RERE: variants seen among roughly 807,000 people sequenced by gnomAD.
RERE encodes arginine-glutamic acid dipeptide repeats.
A neutral mutation model predicts 146.1 loss-of-function variants in RERE; 40 were observed. That is an observed-to-expected ratio of 0.27 (90% CI 0.21 to 0.36). The LOEUF is 0.36. RERE is among the 10% of genes least tolerant of loss of function. The pLI is 1.00. For synonymous variants in RERE, 1,003 were observed against 866.0 expected (o/e 1.16, Z -2.78); for missense variants, 1,933 against 2,138.7 (o/e 0.90, Z 1.90).
At chr1:8,632,041 A>C (rs1015724132) in intron 2 of RERE, among the ~76,000 whole-genome samples, 25 of 152,146 alleles carry the variant, frequency 1.6e-4, no homozygotes, top group African/African-American at 6.0e-4. Flanking sequence ...CCCCCAAAAA[A>C]ACTATGCTCT....
At chr1:8,683,117 T>C (rs905659403) in intron 1 of RERE, among the ~76,000 whole-genome samples, 2 of 143,910 alleles carry the variant, frequency 1.4e-5, no homozygotes, top group South Asian at 4.3e-4. Flanking sequence ...ATATAACAAA[T>C]GTTACAAATT....
At chr1:8,494,791 G>C (rs956450178) in intron 10 of RERE, among the ~76,000 whole-genome samples, 3 of 151,630 alleles carry the variant, frequency 2.0e-5, no homozygotes, top group Admixed American at 2.0e-4. Flanking sequence ...CACAGTACTT[G>C]GCTTTGTGAG....
At position 8,492,867 on chromosome 1, in the gene RERE, G is replaced by A. The variant is rs563289769; in HGVS notation, c.1104+2196C>T. 2.6e-5 allele frequency among the ~76,000 whole-genome samples: 4 copies of A among 152,258 alleles called. No individual in the cohort carries two copies. The South Asian group carries it at 8.3e-4, about 32-fold the overall frequency. On this transcript the variant is annotated intron_variant, in intron 10 of 22. Transcript: ENST00000400908. ...TGAGGCTGCAGTGAGCCAAGACTGTGTCACTGTACTCCAGACTGGGCAACA... is the reference window on the plus strand; with the variant it reads ...TGAGGCTGCAGTGAGCCAAGACTGTATCACTGTACTCCAGACTGGGCAACA...
chr1:8,419,977 A>T (rs976143793), intron 12 of RERE, among the ~76,000 whole-genome samples: 1 of 152,246 alleles, frequency 6.6e-6, no homozygotes, highest in African/African-American at 2.4e-5. Flanking sequence ...TCCAATGAAC[A>T]GCTCAAGGCA....
chr1:8,487,453 C>T, intron 10 of RERE, among the ~76,000 whole-genome samples: 1 of 152,210 alleles, frequency 6.6e-6, no homozygotes, highest in East Asian at 1.9e-4. Context: ...ATGGTGTACC[C>T]TGTAGTCTTA....
In RERE at chr1:8,364,300, C is replaced by T. The variant is rs764613675; in HGVS notation, c.1541-45G>A. ...GGGGCCAACCTTGGAAACCATCCCT[C>T]TCCCTGGGGATGTCTGGGCAGAGGG... is the stretch of plus-strand genomic sequence containing the variant. On this transcript the variant is annotated intron_variant, in intron 14 of 22. Coordinates refer to ENST00000400908, the MANE Select transcript of RERE (RefSeq NM_001042681.2). This position sits in a 1 kb window ranked among gnomAD's most constrained non-coding sequence, Gnocchi z 5.1. The T allele has an allele frequency of 6.4e-7, 1 of 1,558,560 alleles. No individual in the cohort carries two copies. Among genetic ancestry groups the T allele is most frequent in the South Asian group, 1.1e-5 (1 of 89,888 alleles).
chr1:8,758,304 G>A (rs1470426388), intron 1 of RERE, among the ~76,000 whole-genome samples: 2 of 151,444 alleles, frequency 1.3e-5, no homozygotes, highest in African/African-American at 4.9e-5. Context: ...GGCTGGTCTC[G>A]ATCTCCTGAC....
chr1:8,590,620 T>C (rs903493151), intron 4 of RERE, among the ~76,000 whole-genome samples: 2 of 152,230 alleles, frequency 1.3e-5, no homozygotes, highest in African/African-American at 4.8e-5. Flanking sequence ...GTACCTATGC[T>C]GCTGGAAATA....
At chr1:8,791,511 C>T (rs924822632) in intron 1 of RERE, among the ~76,000 whole-genome samples, 1 of 152,170 alleles carries the variant, frequency 6.6e-6, no homozygotes, top group African/African-American at 2.4e-5. Flanking sequence ...CAAAATATCA[C>T]TCAGATAATC....
Position 8,474,412 on chromosome 1 carries a change from T to C in RERE, c.1105-8389A>G, listed in dbSNP as rs142319551. 5.7e-3 allele frequency among the ~76,000 whole-genome samples: 871 copies of C among 152,332 alleles called. 5 individuals carry two copies. Among genetic ancestry groups the C allele is most frequent in the Non-Finnish European group, 0.01 (696 of 68,030 alleles). ...GGATGAGGCCTTAATTTTTATAAGATTGAAAATGTGCACATGTCCAAGCAC... is the reference window on the plus strand; with the variant it reads ...GGATGAGGCCTTAATTTTTATAAGACTGAAAATGTGCACATGTCCAAGCAC... On this transcript the variant is annotated intron_variant, in intron 10 of 22. Coordinates refer to ENST00000400908, the MANE Select transcript of RERE (RefSeq NM_001042681.2).
chr1:8,783,798 C>T (rs1369920130), intron 1 of RERE, among the ~76,000 whole-genome samples: 1 of 152,158 alleles, frequency 6.6e-6, no homozygotes, highest in African/African-American at 2.4e-5. Context: ...AGCCCCTTAC[C>T]GGTGAACATC....
chr1:8,555,672 G>C (rs937010126), intron 6 of RERE, among the ~76,000 whole-genome samples: 1 of 152,098 alleles, frequency 6.6e-6, no homozygotes, highest in Non-Finnish European at 1.5e-5. Context: ...AAGAATATCA[G>C]TAGTCTTACT....
chr1:8,617,617 G>A (rs1332861246), intron 3 of RERE, among the ~76,000 whole-genome samples: 1 of 152,176 alleles, frequency 6.6e-6, no homozygotes, highest in Admixed American at 6.5e-5. Context: ...ACTCAATTTT[G>A]CAGGCCTACC....
At position 8,447,354 on chromosome 1, in the gene RERE, T is replaced by G. The variant is rs143664174; in HGVS notation, c.1203+18571A>C. The stretch of plus-strand genomic sequence containing the variant: ...TTCCCTTGCTGGCAAGGAGCTGTAC[T>G]CCTTTGAAGGAGAAGAGGCGTTCTG... On this transcript the variant is annotated intron_variant, in intron 11 of 22. Transcript: ENST00000400908. Among the ~76,000 whole-genome samples the G allele has an allele frequency of 3.3e-5, 5 of 152,280 alleles. No individual in the cohort carries two copies. In the East Asian group the frequency reaches 7.8e-4, roughly 24 times the overall value.
At chr1:8,701,978 T>C (rs553254190) in intron 1 of RERE, among the ~76,000 whole-genome samples, 2 of 152,172 alleles carry the variant, frequency 1.3e-5, no homozygotes, top group South Asian at 2.1e-4. Flanking sequence ...CTGGAAATAA[T>C]TGCCCACAGA....
chr1:8,602,940 G>C (rs1646651759), intron 4 of RERE, among the ~76,000 whole-genome samples: 1 of 152,110 alleles, frequency 6.6e-6, no homozygotes, highest in Non-Finnish European at 1.5e-5. Context: ...CAGACACTGG[G>C]GACAAAAAGG....
At chr1:8,720,837 C>G (rs1639850683) in intron 1 of RERE, among the ~76,000 whole-genome samples, 1 of 152,184 alleles carries the variant, frequency 6.6e-6, no homozygotes, top group African/African-American at 2.4e-5. Context: ...GGGCGGATTA[C>G]TTGAGGTCAG....
intron 1 of RERE, among the ~76,000 whole-genome samples, chr1:8,736,249 C>A (rs536355079): frequency 2.0e-5 from 3 of 152,254 alleles, no homozygotes; most frequent in African/African-American, 7.2e-5. Flanking sequence ...CTCTGTTGCC[C>A]AGGCTGGAGT....
intron 1 of RERE, chr1:8,786,383 T>A (rs1240742221): frequency 1.4e-5 from 12 of 845,106 alleles, no homozygotes; most frequent in Non-Finnish European, 2.2e-5. Context: ...AGATCCTCCA[T>A]GCAGATGATG....
Sources: allele counts gnomAD v4.1 joint callset (sites outside exome capture counted in the v4.1 genomes callset), GRCh38; gene constraint gnomAD v4.1.1; non-coding constraint Gnocchi (gnomAD v3.1); transcripts MANE v1.5; gene names NCBI Gene and HGNC (gene_info 2026-07-23, HGNC 2026-07-21).